Variants in SEPHS1 observed in about 807,000 individuals in gnomAD.
SEPHS1 encodes selenophosphate synthetase 1, also known as zincore component SEPHS1.
In SEPHS1, 7 loss-of-function variants were observed where a neutral mutation model predicts 39.2. The observed-to-expected ratio is 0.18, with a 90% CI of 0.10 to 0.34. The LOEUF is 0.34. Ranked by LOEUF, SEPHS1 falls within the 10% of genes least tolerant of loss-of-function variation. SEPHS1 has a pLI of 1.00. For missense variants in SEPHS1, 253 were observed against 514.5 expected, an observed-to-expected ratio of 0.49 and a Z score of 4.92; for synonymous variants, 190 against 195.5, an observed-to-expected ratio of 0.97 and a Z score of 0.23.
intron 4 of SEPHS1, 88 bp from the exon 5 acceptor site, chr10:13,334,059 G>T: frequency 1.7e-6 from 2 of 1,206,892 alleles, no homozygotes; most frequent in Non-Finnish European, 2.3e-6. Context: ...GTTATAAAAA[G>T]AACCATAAAA....
intron 4 of SEPHS1, among the ~76,000 whole-genome samples, chr10:13,335,619 G>C (rs1358844487): frequency 1.3e-5 from 2 of 150,048 alleles, no homozygotes; most frequent in African/African-American, 5.0e-5. Flanking sequence ...AGCTGAGCTT[G>C]TGCCACTACA....
intron 2 of SEPHS1, among the ~76,000 whole-genome samples, chr10:13,341,802 C>CA (rs1260092322): frequency 6.6e-6 from 1 of 150,738 alleles, no homozygotes; most frequent in African/African-American, 2.4e-5. Context: ...ATTAAAAATA[C>CA]AAAAAAATTA....
intron 2 of SEPHS1, among the ~76,000 whole-genome samples, chr10:13,341,099 C>T (rs185177464): frequency 3.4e-4 from 52 of 152,176 alleles, no homozygotes; most frequent in Non-Finnish European, 6.6e-4. Flanking sequence ...TTGAAAATTA[C>T]GCATGTGGCT....
At chr10:13,331,574 G>C (rs942620638) in intron 5 of SEPHS1, among the ~76,000 whole-genome samples, 15 of 152,032 alleles carry the variant, frequency 9.9e-5, no homozygotes, top group African/African-American at 3.6e-4. Flanking sequence ...GTAGAGACAG[G>C]GTTTCACCAT....
chr10:13,331,487 A>G (rs1833467883), intron 5 of SEPHS1, among the ~76,000 whole-genome samples: 1 of 151,846 alleles, frequency 6.6e-6, no homozygotes, highest in African/African-American at 2.4e-5. Context: ...CTGGGTTCAA[A>G]CCACTCTCCT....
intron 2 of SEPHS1, among the ~76,000 whole-genome samples, chr10:13,342,517 C>A (rs929375654): frequency 6.6e-6 from 1 of 151,914 alleles, no homozygotes; most frequent in African/African-American, 2.4e-5. Flanking sequence ...ACCTGGGAAG[C>A]GGAGGTTGCA....
rs112366817 is a variant in SEPHS1 at position 13,338,692 on chromosome 10, G to C, written c.297+13C>G. 1.7e-5 allele frequency: 28 copies of C among 1,601,162 alleles called. No individual in the cohort carries two copies. The highest frequency in any genetic ancestry group is 1.3e-4 in the African/African-American group (10 of 74,734). ...GCCCTTCCAGTCACAAAAACACATC[G>C]GCTCACGCTTACCATCATGTAAGGG... On this transcript the variant is annotated intron_variant, in intron 3 of 8. Coordinates refer to ENST00000327347, the MANE Select transcript of SEPHS1 (RefSeq NM_012247.5).
intron 2 of SEPHS1, among the ~76,000 whole-genome samples, chr10:13,342,136 G>A (rs993160255): frequency 1.1e-4 from 17 of 151,332 alleles, no homozygotes; most frequent in African/African-American, 2.9e-4. Flanking sequence ...GCATGGTGGC[G>A]GGCGCCTGTA....
intron 1 of SEPHS1, among the ~76,000 whole-genome samples, chr10:13,346,734 AG>A (rs1038455846): frequency 6.6e-6 from 1 of 152,064 alleles, no homozygotes; most frequent in Non-Finnish European, 1.5e-5. Flanking sequence ...AAAAAGAAAA[AG>A]AAAAAATCCA....
At chr10:13,324,017 T>A (rs940257258) in intron 7 of SEPHS1, among the ~76,000 whole-genome samples, 9 of 152,220 alleles carry the variant, frequency 5.9e-5, no homozygotes, top group African/African-American at 2.2e-4. Context: ...ACTTTATTTT[T>A]TGGAGCAGTT....
rs1833710430 is a variant in SEPHS1 at position 13,338,738 on chromosome 10, G to A, written c.264C>T (p.Tyr88=). 5 of 1,614,136 alleles carry A rather than the reference G, an allele frequency of 3.1e-6. No individual in the cohort carries two copies. Among genetic ancestry groups the A allele is most frequent in the Non-Finnish European group, 4.2e-6 (5 of 1,179,966 alleles). The change falls in exon 3 of 9, where the codon TAC becomes TAT. Residue 88 remains tyrosine, a synonymous_variant. Coordinates refer to ENST00000327347, the MANE Select transcript of SEPHS1 (RefSeq NM_012247.5). ...AAGGGTCGTCTACGATCGGGTAAAT[G>A]TAATCTGTGGTTTGAACCAAGGAAA... ...GGLSLVQTTD[Y]IYPIVDDPYM... is the part of the protein sequence containing the mutation.
At chr10:13,320,340 C>G (rs917778615) in intron 8 of SEPHS1, among the ~76,000 whole-genome samples, 3 of 151,934 alleles carry the variant, frequency 2.0e-5, no homozygotes, top group Non-Finnish European at 2.9e-5. Context: ...CGCCACCACA[C>G]CCGGCTAATT....
At chr10:13,341,979 A>G (rs564168646) in intron 2 of SEPHS1, among the ~76,000 whole-genome samples, 661 of 51,896 alleles carry the variant, frequency 0.013, no homozygotes, top group Non-Finnish European at 0.026. Context: ...TATCTCAAGG[A>G]AAAAAAAAAA....
chr10:13,332,460 A>G (rs992908324), intron 5 of SEPHS1, among the ~76,000 whole-genome samples: 1 of 152,170 alleles, frequency 6.6e-6, no homozygotes, highest in Non-Finnish European at 1.5e-5. Context: ...CAACCTTGTC[A>G]ATACTAAAAA....
intron 8 of SEPHS1, among the ~76,000 whole-genome samples, chr10:13,322,542 C>G (rs1391643636): frequency 6.6e-6 from 1 of 152,208 alleles, no homozygotes; most frequent in Non-Finnish European, 1.5e-5. Flanking sequence ...CAGTTAATTT[C>G]AAATGCGAAG....
chr10:13,327,032 G>A (rs1284023606), intron 7 of SEPHS1, among the ~76,000 whole-genome samples: 1 of 151,992 alleles, frequency 6.6e-6, no homozygotes, highest in East Asian at 1.9e-4. Context: ...GAGGTCAGGA[G>A]TTCGAGACCA....
At chr10:13,337,149 T>C (rs910641138) in intron 3 of SEPHS1, among the ~76,000 whole-genome samples, 3 of 150,066 alleles carry the variant, frequency 2.0e-5, no homozygotes, top group Non-Finnish European at 4.4e-5. Context: ...AGACTGTCAA[T>C]AAACAACAAC....
chr10:13,329,868 A>T, intron 5 of SEPHS1, 80 bp from the exon 6 acceptor site: 6 of 1,171,600 alleles, frequency 5.1e-6, no homozygotes, highest in Non-Finnish European at 7.4e-6. Flanking sequence ...GAGAAGGAAT[A>T]ATCTGTCAAA....
At chr10:13,347,599 G>C (rs1193411879) in intron 1 of SEPHS1, among the ~76,000 whole-genome samples, 2 of 147,100 alleles carry the variant, frequency 1.4e-5, no homozygotes, top group South Asian at 2.1e-4. Flanking sequence ...GCGGAGAAAA[G>C]GGGAGGCGGG....
Sources: allele counts gnomAD v4.1 joint callset (sites outside exome capture counted in the v4.1 genomes callset), GRCh38; gene constraint gnomAD v4.1.1; transcripts MANE v1.5; gene names NCBI Gene and HGNC (gene_info 2026-07-23, HGNC 2026-07-21).